Variants in GALNTL6 observed in about 807,000 individuals in gnomAD.
GALNTL6 encodes the protein polypeptide N-acetylgalactosaminyltransferase-like 6.
GALNTL6 carries 46 observed loss-of-function variants against 73.7 expected under a neutral mutation model. The observed-to-expected ratio is 0.62, with a 90% CI of 0.49 to 0.80. The LOEUF (loss-of-function observed/expected upper bound fraction) is 0.80, where lower values mean the gene tolerates loss of function less well. Ranked by LOEUF, GALNTL6 falls within the 30% of genes least tolerant of loss-of-function variation. The probability of loss-of-function intolerance (pLI) is 0.00; values close to 1 mark genes in which losing one functional copy is unlikely to be tolerated. For synonymous variants in GALNTL6, 259 were observed against 263.7 expected (o/e 0.98, Z 0.17); for missense variants, 604 against 755.0 (o/e 0.80, Z 2.34).
chr4:172,241,857 T>C (rs1175681411), intron 3 of GALNTL6, among the ~76,000 whole-genome samples: 1 of 152,208 alleles, frequency 6.6e-6, no homozygotes, highest in African/African-American at 2.4e-5. Context: ...TTATTGACAC[T>C]GTATTTTATC....
intron 5 of GALNTL6, among the ~76,000 whole-genome samples, chr4:172,516,833 T>C (rs1187414402): frequency 1.3e-5 from 2 of 152,208 alleles, no homozygotes; most frequent in Non-Finnish European, 2.9e-5. Flanking sequence ...TATACATAAA[T>C]GTAATATCAT....
chr4:172,970,510 T>A (rs1481597682), intron 10 of GALNTL6, among the ~76,000 whole-genome samples: 3 of 152,190 alleles, frequency 2.0e-5, no homozygotes, highest in Non-Finnish European at 4.4e-5. Flanking sequence ...TTCAGCGATA[T>A]CTCTCCTACT....
At chr4:172,522,207 A>G (rs1734797576) in intron 5 of GALNTL6, among the ~76,000 whole-genome samples, 1 of 152,204 alleles carries the variant, frequency 6.6e-6, no homozygotes, top group Non-Finnish European at 1.5e-5. Flanking sequence ...AAAGAAAACT[A>G]TTTAAAGGGA....
At chr4:172,117,982 T>C (rs1358682895) in intron 2 of GALNTL6, among the ~76,000 whole-genome samples, 16 of 152,126 alleles carry the variant, frequency 1.1e-4, no homozygotes, top group Non-Finnish European at 4.4e-5. Flanking sequence ...TATGACACCC[T>C]AGGGTTATGG....
chr4:172,067,108 A>G (rs956006497), intron 2 of GALNTL6, among the ~76,000 whole-genome samples: 3 of 151,718 alleles, frequency 2.0e-5, no homozygotes, highest in Admixed American at 2.0e-4. Flanking sequence ...TTTTGCTGTT[A>G]TAATTAGTCT....
chr4:172,825,976 T>C (rs1742244382), intron 7 of GALNTL6, among the ~76,000 whole-genome samples: 1 of 152,182 alleles, frequency 6.6e-6, no homozygotes, highest in African/African-American at 2.4e-5. Flanking sequence ...AACCATCTCA[T>C]AGATGATAAT....
At chr4:172,811,551 G>A (rs1741301850) in intron 6 of GALNTL6, among the ~76,000 whole-genome samples, 1 of 152,172 alleles carries the variant, frequency 6.6e-6, no homozygotes, top group Non-Finnish European at 1.5e-5. Context: ...ATACCATTCA[G>A]TAAAATATTA....
intron 2 of GALNTL6, among the ~76,000 whole-genome samples, chr4:172,096,065 T>G (rs1431056525): frequency 2.2e-5 from 3 of 137,142 alleles, no homozygotes; most frequent in Non-Finnish European, 4.7e-5. Flanking sequence ...ATATTTTCGA[T>G]TTCTCTCTCT....
At chr4:171,975,378 C>T (rs1739691017) in intron 2 of GALNTL6, among the ~76,000 whole-genome samples, 1 of 152,038 alleles carries the variant, frequency 6.6e-6, no homozygotes, top group African/African-American at 2.4e-5. Context: ...TACTTATCTC[C>T]AACACTATTA....
chr4:172,014,346 C>G (rs1741119103), intron 2 of GALNTL6, among the ~76,000 whole-genome samples: 2 of 151,940 alleles, frequency 1.3e-5, no homozygotes, highest in South Asian at 4.2e-4. Flanking sequence ...CAACAGTGTA[C>G]AAGAGTTCCC....
chr4:172,572,237 C>T (rs924777928), intron 5 of GALNTL6, among the ~76,000 whole-genome samples: 2 of 152,092 alleles, frequency 1.3e-5, no homozygotes, highest in African/African-American at 2.4e-5. Flanking sequence ...AATCTATTCC[C>T]CATACTGCCT....
At chr4:171,913,421 A>G (rs1737527563) in intron 2 of GALNTL6, among the ~76,000 whole-genome samples, 1 of 152,184 alleles carries the variant, frequency 6.6e-6, no homozygotes, top group Non-Finnish European at 1.5e-5. Context: ...AACTGTATGA[A>G]TATTATTGCC....
At chr4:171,924,158 G>A (rs1213171654) in intron 2 of GALNTL6, among the ~76,000 whole-genome samples, 1 of 141,868 alleles carries the variant, frequency 7.0e-6, no homozygotes, top group African/African-American at 2.7e-5. Flanking sequence ...CACATAAATT[G>A]GTTAAAAAAA....
chr4:172,054,735 C>A (rs1422842555), intron 2 of GALNTL6, among the ~76,000 whole-genome samples: 1 of 152,044 alleles, frequency 6.6e-6, no homozygotes, highest in East Asian at 1.9e-4. Flanking sequence ...GTTTAAAGTA[C>A]AAAAGTAACC....
intron 2 of GALNTL6, among the ~76,000 whole-genome samples, chr4:172,000,576 G>C (rs1237765217): frequency 6.6e-6 from 1 of 152,160 alleles, no homozygotes; most frequent in Non-Finnish European, 1.5e-5. Context: ...TCTGTGCTCT[G>C]TGCATAAGGG....
chr4:172,394,428 CTTT>C (rs201130774), intron 5 of GALNTL6, among the ~76,000 whole-genome samples: 85 of 120,138 alleles, frequency 7.1e-4, no homozygotes, highest in African/African-American at 2.4e-3. Context: ...TCTTCTTCTT[CTTT>C]TTTTTTTTTT....
intron 5 of GALNTL6, among the ~76,000 whole-genome samples, chr4:172,363,709 T>C (rs1045724774): frequency 2.6e-5 from 4 of 152,204 alleles, no homozygotes; most frequent in Non-Finnish European, 4.4e-5. Context: ...TATTATAGGT[T>C]GAACCAATGT....
intron 2 of GALNTL6, among the ~76,000 whole-genome samples, chr4:171,856,478 G>A (rs536360294): frequency 1.2e-4 from 18 of 151,980 alleles, no homozygotes; most frequent in South Asian, 2.1e-4. Context: ...ATTTGGTGTC[G>A]TATCTAAAAA....
intron 2 of GALNTL6, among the ~76,000 whole-genome samples, chr4:171,989,186 G>A (rs570903155): frequency 7.5e-4 from 114 of 152,202 alleles, no homozygotes; most frequent in African/African-American, 2.6e-3. Flanking sequence ...AGTAGCCTCC[G>A]TATTGATTAA....
Sources: gnomAD v4.1 joint callset for allele counts (sites outside exome capture counted in the v4.1 genomes callset) on GRCh38, gnomAD v4.1.1 for gene constraint, MANE v1.5 for transcripts, NCBI Gene and HGNC (gene_info 2026-07-23, HGNC 2026-07-21) for gene names.